MDGA2: variants seen among roughly 807,000 people sequenced by gnomAD.
MDGA2 encodes the protein MAM domain-containing glycosylphosphatidylinositol anchor protein 2.
A neutral mutation model predicts 117.8 loss-of-function variants in MDGA2; 40 were observed. That is an observed-to-expected ratio of 0.34 (90% CI 0.26 to 0.44). MDGA2 has a LOEUF of 0.44. Ranked by LOEUF, MDGA2 falls within the 20% of genes least tolerant of loss-of-function variation. MDGA2 has a pLI of 1.00. For synonymous variants in MDGA2, 452 were observed against 439.0 expected, an observed-to-expected ratio of 1.03 and a Z score of -0.37; for missense variants, 1,123 against 1,250.6, an observed-to-expected ratio of 0.90 and a Z score of 1.54.
chr14:47,037,614 C>G (rs1389242650), intron 7 of MDGA2, among the ~76,000 whole-genome samples: 1 of 152,082 alleles, frequency 6.6e-6, no homozygotes, highest in Non-Finnish European at 1.5e-5. Flanking sequence ...TCTTTTCTTT[C>G]TTTTATCCTC....
intron 9 of MDGA2, among the ~76,000 whole-genome samples, chr14:46,929,749 C>T (rs1361897497): frequency 6.8e-6 from 1 of 146,366 alleles, no homozygotes; most frequent in Non-Finnish European, 1.5e-5. Context: ...CTTCCAGATT[C>T]AAGTGATTTT....
At chr14:47,254,729 T>C (rs758888534) in intron 2 of MDGA2, among the ~76,000 whole-genome samples, 3 of 152,302 alleles carry the variant, frequency 2.0e-5, no homozygotes, top group South Asian at 2.1e-4. Context: ...GGTATTCTTA[T>C]AGCAGAGCCC....
Position 47,036,479 on chromosome 14 carries a change from TC to T in MDGA2, c.1526-1176del, listed in dbSNP as rs1888861138. On this transcript the variant is annotated intron_variant, in intron 7 of 16. Transcript: ENST00000399232. ...GATCTTTCTTACAAACATCACTAGT[TC>T]CACTGGAAGATTCTTATTTCCTACA... 2.6e-5 allele frequency among the ~76,000 whole-genome samples: 4 copies of T among 152,206 alleles called. No individual in the cohort carries two copies. The South Asian group carries it at 8.3e-4, about 32-fold the overall frequency.
intron 1 of MDGA2, among the ~76,000 whole-genome samples, chr14:47,502,190 T>G (rs548124786): frequency 2.6e-5 from 4 of 152,260 alleles, no homozygotes; most frequent in African/African-American, 9.6e-5. Context: ...TTCTGAAGCA[T>G]CCAGGAATGT....
intron 2 of MDGA2, among the ~76,000 whole-genome samples, chr14:47,300,298 T>C (rs1253969125): frequency 6.6e-6 from 1 of 152,228 alleles, no homozygotes; most frequent in African/African-American, 2.4e-5. Context: ...CCTACCATAG[T>C]GCTTGTGTTG....
At chr14:46,958,374 T>A (rs968447325) in intron 8 of MDGA2, among the ~76,000 whole-genome samples, 6 of 151,980 alleles carry the variant, frequency 3.9e-5, no homozygotes, top group African/African-American at 1.4e-4. Context: ...TGGGGGGAAA[T>A]AAAGATGAAA....
intron 1 of MDGA2, among the ~76,000 whole-genome samples, chr14:47,303,205 G>T (rs1278863955): frequency 6.6e-6 from 1 of 152,118 alleles, no homozygotes; most frequent in African/African-American, 2.4e-5. Context: ...GACAGAGCTA[G>T]TTAGACTAGG....
chr14:47,371,014 T>C lies in MDGA2; in HGVS notation c.281-69464A>G, dbSNP rs116121340. On this transcript the variant is annotated intron_variant, in intron 1 of 16. Transcript: ENST00000399232. Reference sequence around the variant, plus strand: ...AAGGAATTTTAAAATATCCTTTGACTTGAAAAACTTCTTTAAAAACATACT... The same window carrying C: ...AAGGAATTTTAAAATATCCTTTGACCTGAAAAACTTCTTTAAAAACATACT... Among the ~76,000 whole-genome samples the C allele has an allele frequency of 8.8e-4, 134 of 151,964 alleles. 1 individual carries two copies. Among genetic ancestry groups the C allele is most frequent in the African/African-American group, 3.2e-3 (131 of 41,540 alleles).
At chr14:47,158,101 G>C (rs1883474253) in intron 3 of MDGA2, among the ~76,000 whole-genome samples, 1 of 151,974 alleles carries the variant, frequency 6.6e-6, no homozygotes, top group Admixed American at 6.6e-5. Context: ...TAAAATGGTG[G>C]TTCCACAAAG....
chr14:47,083,387 T>C (rs954145018), intron 6 of MDGA2, among the ~76,000 whole-genome samples: 1 of 152,022 alleles, frequency 6.6e-6, no homozygotes, highest in African/African-American at 2.4e-5. Context: ...TTAAAAATAC[T>C]ATAAATAAAT....
chr14:47,295,253 CAGT>C (rs1404565609), intron 2 of MDGA2, among the ~76,000 whole-genome samples: 1 of 152,146 alleles, frequency 6.6e-6, no homozygotes, highest in African/African-American at 2.4e-5. Context: ...CGGAGAAGGT[CAGT>C]ATCTTCCAAC....
intron 9 of MDGA2, among the ~76,000 whole-genome samples, chr14:46,936,403 G>C (rs193141140): frequency 1.3e-5 from 2 of 152,160 alleles, no homozygotes; most frequent in South Asian, 4.2e-4. Context: ...TATGGGAATG[G>C]AGGTCCATGT....
chr14:47,359,808 C>T (rs1891077541), intron 1 of MDGA2, among the ~76,000 whole-genome samples: 1 of 149,680 alleles, frequency 6.7e-6, no homozygotes, highest in Admixed American at 6.7e-5. Context: ...TCTCTTTATA[C>T]CATCCTTAGC....
At chr14:47,174,967 A>G (rs1441729639) in intron 3 of MDGA2, among the ~76,000 whole-genome samples, 3 of 152,172 alleles carry the variant, frequency 2.0e-5, no homozygotes, top group Non-Finnish European at 4.4e-5. Context: ...TAAAGGGGAT[A>G]TCACCACCAA....
intron 1 of MDGA2, among the ~76,000 whole-genome samples, chr14:47,626,993 CTT>C (rs1335116907): frequency 6.6e-6 from 1 of 152,246 alleles, no homozygotes; most frequent in African/African-American, 2.4e-5. Flanking sequence ...CTTGGAGAAT[CTT>C]TGTGTCTAGC....
chr14:47,355,791 T>G (rs1405504833), intron 1 of MDGA2, among the ~76,000 whole-genome samples: 1 of 152,142 alleles, frequency 6.6e-6, no homozygotes, highest in African/African-American at 2.4e-5. Flanking sequence ...CTATTCCCAC[T>G]CCCAGCATCA....
intron 1 of MDGA2, among the ~76,000 whole-genome samples, chr14:47,480,250 A>G (rs1023385220): frequency 2.6e-5 from 4 of 152,094 alleles, no homozygotes; most frequent in Non-Finnish European, 5.9e-5. Context: ...AAGGTTTACA[A>G]ATTCTTAGCT....
chr14:47,299,918 A>G (rs1889218699), intron 2 of MDGA2, among the ~76,000 whole-genome samples: 1 of 152,128 alleles, frequency 6.6e-6, no homozygotes, highest in Non-Finnish European at 1.5e-5. Flanking sequence ...CTTTTTCAAC[A>G]TTTTTAATAA....
intron 4 of MDGA2, among the ~76,000 whole-genome samples, chr14:47,136,397 A>G (rs1206840621): frequency 6.6e-6 from 1 of 151,876 alleles, no homozygotes. Flanking sequence ...GGATTTCACC[A>G]TATTGACCAG....
Sources: allele counts gnomAD v4.1 joint callset (sites outside exome capture counted in the v4.1 genomes callset), GRCh38; gene constraint gnomAD v4.1.1; transcripts MANE v1.5; gene names NCBI Gene and HGNC (gene_info 2026-07-23, HGNC 2026-07-21).